BBS9: variants seen among roughly 807,000 people sequenced by gnomAD.
BBS9 encodes the protein Bardet-Biedl syndrome 9.
A neutral mutation model predicts 117.7 loss-of-function variants in BBS9; 89 were observed. That is an observed-to-expected ratio of 0.76 (90% CI 0.64 to 0.90). The LOEUF (loss-of-function observed/expected upper bound fraction) is 0.90. BBS9 is among the 40% of genes least tolerant of loss of function. BBS9 has a pLI of 0.00. For synonymous variants in BBS9, 379 were observed against 370.9 expected (o/e 1.02, Z -0.25); for missense variants, 982 against 1,042.2 (o/e 0.94, Z 0.80).
intron 19 of BBS9, among the ~76,000 whole-genome samples, chr7:33,429,043 T>A (rs1479460452): frequency 6.6e-6 from 1 of 152,176 alleles, no homozygotes; most frequent in Non-Finnish European, 1.5e-5. Flanking sequence ...AGTCCTAGAG[T>A]GCTAGAAATA....
chr7:33,429,297 A>T (rs75437547), intron 19 of BBS9, among the ~76,000 whole-genome samples: 1 of 151,680 alleles, frequency 6.6e-6, no homozygotes, highest in South Asian at 2.1e-4. Context: ...AAAAAAAAAA[A>T]TTCAGCCAGA....
intron 4 of BBS9, among the ~76,000 whole-genome samples, chr7:33,157,032 A>G (rs1056835727): frequency 1.3e-5 from 2 of 152,150 alleles, no homozygotes; most frequent in African/African-American, 2.4e-5. Flanking sequence ...GAATTTGCCT[A>G]CAGTTATAGT....
At chr7:33,623,998 A>AAAT (rs1554279550) in intron 21 of BBS9, among the ~76,000 whole-genome samples, 2,990 of 150,902 alleles carry the variant, frequency 0.02, 71 homozygotes, top group East Asian at 0.084. Flanking sequence ...AAAAAAAAAA[A>AAAT]TCATATAAGT....
chr7:33,508,323 GA>G (rs1450314159), intron 20 of BBS9, among the ~76,000 whole-genome samples: 1 of 152,214 alleles, frequency 6.6e-6, no homozygotes, highest in East Asian at 1.9e-4. Flanking sequence ...ACAGGAGTAA[GA>G]AAAGATACAA....
At chr7:33,205,462 A>G (rs1038373651) in intron 5 of BBS9, among the ~76,000 whole-genome samples, 4 of 152,160 alleles carry the variant, frequency 2.6e-5, no homozygotes, top group African/African-American at 9.7e-5. Context: ...TGACCACCAG[A>G]TATATTGTTC....
chr7:33,555,084 GTT>G (rs1855085116), intron 21 of BBS9, among the ~76,000 whole-genome samples: 1 of 152,146 alleles, frequency 6.6e-6, no homozygotes, highest in Non-Finnish European at 1.5e-5. Flanking sequence ...TTCCTATAAA[GTT>G]TTAAACCTGT....
rs1032699083 is a variant in BBS9, at chr7:33,208,798, TG to T, written c.442+31208del. On this transcript the variant is annotated intron_variant, in intron 5 of 22. Coordinates refer to ENST00000242067, the MANE Select transcript of BBS9 (RefSeq NM_198428.3). ...TTATTTTCTGAATTCAGGAAAATTC[TG>T]TTTTTTTTTTTAATTTTTAATTTTT... is the stretch of plus-strand genomic sequence containing the variant. Among the ~76,000 whole-genome samples the T allele has an allele frequency of 1.7e-4, 8 of 47,088 alleles. No individual in the cohort carries two copies. In the Admixed American group the frequency reaches 1.9e-3, roughly 11 times the overall value. The allele number at this position is 47,088 out of a possible 152,430, so 30.9% of individuals were successfully genotyped here. A position where few individuals can be genotyped will look rare whatever the true frequency, so the allele number is the denominator to read the frequency against.
chr7:33,250,553 G>T (rs888558560), intron 5 of BBS9, among the ~76,000 whole-genome samples: 1 of 152,140 alleles, frequency 6.6e-6, no homozygotes, highest in African/African-American at 2.4e-5. Context: ...TATCTGTAAG[G>T]GGAGCCTTTG....
chr7:33,616,892 G>A (rs190187223), intron 21 of BBS9, among the ~76,000 whole-genome samples: 16 of 151,784 alleles, frequency 1.1e-4, no homozygotes, highest in East Asian at 5.8e-4. Context: ...CTCCAATGTC[G>A]ATTATTCCAC....
chr7:33,509,693 G>A (rs1253509808), intron 20 of BBS9, among the ~76,000 whole-genome samples: 1 of 152,132 alleles, frequency 6.6e-6, no homozygotes, highest in Non-Finnish European at 1.5e-5. Flanking sequence ...ACAGCACTGT[G>A]TAATGATTTG....
At chr7:33,371,995 C>A (rs1046582448) in intron 17 of BBS9, among the ~76,000 whole-genome samples, 1 of 151,828 alleles carries the variant, frequency 6.6e-6, no homozygotes, top group Non-Finnish European at 1.5e-5. Context: ...AAATCGGTGA[C>A]GATTAGAGAA....
chr7:33,177,870 A>T (rs774070125), intron 5 of BBS9: 12 of 340,316 alleles, frequency 3.5e-5, no homozygotes, highest in Non-Finnish European at 6.0e-5. Context: ...ACCTTTAAAC[A>T]TTGGAAGTCT....
intron 2 of BBS9, among the ~76,000 whole-genome samples, chr7:33,149,244 G>A (rs1299837796): frequency 1.3e-5 from 2 of 152,184 alleles, no homozygotes; most frequent in African/African-American, 2.4e-5. Context: ...ATTAACCTTG[G>A]ACAGATGTGG....
chr7:33,474,467 A>G (rs79936647), intron 19 of BBS9, among the ~76,000 whole-genome samples: 342 of 152,316 alleles, frequency 2.2e-3, no homozygotes, highest in African/African-American at 8.0e-3. Context: ...TTTTTAACAT[A>G]TAAATATCAG....
At chr7:33,336,417 C>A in intron 9 of BBS9, 24 bp from the exon 10 acceptor site, 1 of 1,596,200 alleles carries the variant, frequency 6.3e-7, no homozygotes, top group Non-Finnish European at 8.6e-7. Context: ...AAAATTATGT[C>A]TCATTTTCTC....
intron 21 of BBS9, among the ~76,000 whole-genome samples, chr7:33,546,986 C>T (rs1853489781): frequency 6.6e-6 from 1 of 152,196 alleles, no homozygotes; most frequent in Non-Finnish European, 1.5e-5. Flanking sequence ...CAGACACACA[C>T]ACACACATAT....
chr7:33,207,297 A>G (rs1363617399), intron 5 of BBS9, among the ~76,000 whole-genome samples: 1 of 152,162 alleles, frequency 6.6e-6, no homozygotes, highest in Non-Finnish European at 1.5e-5. Flanking sequence ...CAAAATGATG[A>G]TTTCCAAATT....
intron 19 of BBS9, among the ~76,000 whole-genome samples, chr7:33,477,048 C>T (rs1471642127): frequency 6.6e-6 from 1 of 152,060 alleles, no homozygotes; most frequent in African/African-American, 2.4e-5. Context: ...TCAAGTGGGC[C>T]CTTCCACTTA....
chr7:33,519,591 T>G (rs112368603), intron 20 of BBS9, among the ~76,000 whole-genome samples: 33 of 149,750 alleles, frequency 2.2e-4, no homozygotes, highest in African/African-American at 8.2e-4. Flanking sequence ...TTTTTTTTTA[T>G]TATGCAGTAA....
Sources: allele counts gnomAD v4.1 joint callset (sites outside exome capture counted in the v4.1 genomes callset), GRCh38; gene constraint gnomAD v4.1.1; transcripts MANE v1.5; gene names NCBI Gene and HGNC (gene_info 2026-07-23, HGNC 2026-07-21).